Variants in CNTNAP2 observed in about 807,000 individuals in gnomAD.
The protein encoded by CNTNAP2 is contactin-associated protein-like 2.
CNTNAP2 carries 98 observed loss-of-function variants against 155.2 expected under a neutral mutation model. The observed-to-expected ratio is 0.63, with a 90% CI of 0.54 to 0.75. The LOEUF (loss-of-function observed/expected upper bound fraction) is 0.75, where lower values mean the gene tolerates loss of function less well. Ranked by LOEUF, CNTNAP2 falls within the 30% of genes least tolerant of loss-of-function variation. The pLI is 0.00. For synonymous variants in CNTNAP2, 651 were observed against 631.2 expected (o/e 1.03, Z -0.47); for missense variants, 1,727 against 1,688.1 (o/e 1.02, Z -0.40).
Position 147,132,311 on chromosome 7 carries a change from C to T in CNTNAP2, c.1150C>T (p.Leu384=), listed in dbSNP as rs952522529. 80 of 1,613,730 alleles carry T rather than the reference C, an allele frequency of 5.0e-5. No homozygotes were observed. Among genetic ancestry groups the T allele is most frequent in the Non-Finnish European group, 6.8e-5 (80 of 1,179,790 alleles). Residue 384 remains leucine (L), a synonymous_variant, in exon 8 of 24, where the codon CTG becomes TTG. Transcript: ENST00000361727. ...TGTCTTTTTCAACGCTACAAGTTAC[C>T]TGGAGGTGCCCGGACGGCTTAACCA... ...VPVFFNATSY[L]EVPGRLNQDL...
chr7:147,783,475 C>G (rs1355275726), intron 13 of CNTNAP2, among the ~76,000 whole-genome samples: 1 of 152,202 alleles, frequency 6.6e-6, no homozygotes, highest in Non-Finnish European at 1.5e-5. Flanking sequence ...CTTTTTGGTG[C>G]TTATATTAGT....
At chr7:146,260,445 C>T (rs549293794) in intron 1 of CNTNAP2, among the ~76,000 whole-genome samples, 9 of 152,228 alleles carry the variant, frequency 5.9e-5, no homozygotes, top group African/African-American at 1.9e-4. Flanking sequence ...CAATGCCAGC[C>T]CATGAAAGTA....
chr7:146,357,413 C>T (rs1352984341), intron 1 of CNTNAP2, among the ~76,000 whole-genome samples: 2 of 151,954 alleles, frequency 1.3e-5, no homozygotes, highest in Non-Finnish European at 2.9e-5. Flanking sequence ...ATCATATAAT[C>T]TATCAGTATC....
intron 14 of CNTNAP2, among the ~76,000 whole-genome samples, chr7:147,946,699 C>A (rs1474569102): frequency 6.6e-6 from 1 of 152,002 alleles, no homozygotes; most frequent in Admixed American, 6.6e-5. Context: ...AGCTGTGAGA[C>A]CAGGACAAGC....
At chr7:146,309,178 C>T (rs1800775313) in intron 1 of CNTNAP2, among the ~76,000 whole-genome samples, 1 of 152,048 alleles carries the variant, frequency 6.6e-6, no homozygotes, top group South Asian at 2.1e-4. Flanking sequence ...TTCCATTGAC[C>T]ATTGATATCT....
chr7:147,725,506 A>C (rs1796626079), intron 13 of CNTNAP2, among the ~76,000 whole-genome samples: 1 of 151,818 alleles, frequency 6.6e-6, no homozygotes, highest in South Asian at 2.1e-4. Context: ...AGGAGAATAT[A>C]TCATTATTAG....
intron 20 of CNTNAP2, among the ~76,000 whole-genome samples, chr7:148,237,838 A>G (rs1220189680): frequency 1.3e-5 from 2 of 152,210 alleles, no homozygotes; most frequent in Non-Finnish European, 2.9e-5. Context: ...ACCACTTTCT[A>G]TATGTGGAAA....
intron 8 of CNTNAP2, among the ~76,000 whole-genome samples, chr7:147,208,675 C>T (rs1032845731): frequency 3.3e-5 from 5 of 151,938 alleles, no homozygotes; most frequent in Middle Eastern, 3.2e-3. Flanking sequence ...AAGATACACT[C>T]ACCTATGCAC....
At chr7:147,588,596 A>T (rs1350857444) in intron 12 of CNTNAP2, among the ~76,000 whole-genome samples, 1 of 152,088 alleles carries the variant, frequency 6.6e-6, no homozygotes, top group Non-Finnish European at 1.5e-5. Context: ...TTTTTTCTCT[A>T]TATTGATATA....
chr7:146,343,734 A>G (rs928247097), intron 1 of CNTNAP2, among the ~76,000 whole-genome samples: 12 of 152,158 alleles, frequency 7.9e-5, no homozygotes, highest in Non-Finnish European at 1.6e-4. Context: ...AAAATATAGG[A>G]TATTTCATTT....
intron 11 of CNTNAP2, among the ~76,000 whole-genome samples, chr7:147,527,650 C>T (rs1799351588): frequency 6.6e-6 from 1 of 152,196 alleles, no homozygotes. Context: ...ATTATAATGG[C>T]TTGAATCTTC....
At chr7:146,296,680 A>G (rs766026172) in intron 1 of CNTNAP2, among the ~76,000 whole-genome samples, 2 of 152,164 alleles carry the variant, frequency 1.3e-5, no homozygotes, top group African/African-American at 4.8e-5. Flanking sequence ...TTGTCCTGGT[A>G]ATTAACAATA....
rs886320516 is a variant in CNTNAP2 at position 146,781,775 on chromosome 7, C to A, written c.208+7394C>A. ...AACACCTTCTTTCCCTCTGCTTTTTCTTTGCTCTCCTCTTTTTGCCTTTAA... is the reference window on the plus strand; with the variant it reads ...AACACCTTCTTTCCCTCTGCTTTTTATTTGCTCTCCTCTTTTTGCCTTTAA... On this transcript the variant is annotated intron_variant, in intron 2 of 23. Transcript: ENST00000361727. Among the ~76,000 whole-genome samples, 6 of 152,082 alleles carry A rather than the reference C, an allele frequency of 3.9e-5. No homozygotes were observed. The East Asian group carries it at 9.6e-4, about 24-fold the overall frequency.
chr7:146,613,417 A>C (rs914711118), intron 1 of CNTNAP2, among the ~76,000 whole-genome samples: 1 of 152,196 alleles, frequency 6.6e-6, no homozygotes, highest in Admixed American at 6.5e-5. Context: ...TTTGACTTTC[A>C]TGGTGATTTT....
In CNTNAP2 at chr7:146,570,112, A is replaced by G. The variant is rs537947874; in HGVS notation, c.98-204159A>G. ...TAGCTATTGGAGTTCTCTTTGCCCT[A>G]TTTCAGCACTGTTTGTACATAAATA... is the stretch of plus-strand genomic sequence containing the variant. On this transcript the variant is annotated intron_variant, in intron 1 of 23. Coordinates refer to ENST00000361727, the MANE Select transcript of CNTNAP2 (RefSeq NM_014141.6). 5.9e-5 allele frequency among the ~76,000 whole-genome samples: 9 copies of G among 152,204 alleles called. No homozygotes were observed. The South Asian group carries it at 1.0e-3, about 18-fold the overall frequency.
At chr7:147,130,114 A>G (rs1801322894) in intron 7 of CNTNAP2, among the ~76,000 whole-genome samples, 1 of 152,100 alleles carries the variant, frequency 6.6e-6, no homozygotes, top group Admixed American at 6.6e-5. Context: ...TGAGTAGGAG[A>G]TAAAAAGATA....
chr7:146,524,926 A>T lies in CNTNAP2; in HGVS notation c.98-249345A>T, dbSNP rs528020333. Among the ~76,000 whole-genome samples the T allele has an allele frequency of 3.3e-5, 5 of 152,232 alleles. No homozygotes were observed. In the East Asian group the frequency reaches 9.7e-4, roughly 29 times the overall value. ...TGAGCAAGCATTTGAAAGATTCATTATATTTCCTAGGGTTAAAAACTATTT... is the reference window on the plus strand; with the variant it reads ...TGAGCAAGCATTTGAAAGATTCATTTTATTTCCTAGGGTTAAAAACTATTT... On this transcript the variant is annotated intron_variant, in intron 1 of 23. Transcript: ENST00000361727.
chr7:147,522,668 TG>T (rs1208347052), intron 11 of CNTNAP2, among the ~76,000 whole-genome samples: 1 of 151,478 alleles, frequency 6.6e-6, no homozygotes, highest in Non-Finnish European at 1.5e-5. Context: ...CTTCACATTT[TG>T]GGGGAAAAAA....
intron 21 of CNTNAP2, among the ~76,000 whole-genome samples, chr7:148,289,621 G>A (rs1228397622): frequency 1.3e-5 from 2 of 151,836 alleles, no homozygotes; most frequent in Non-Finnish European, 2.9e-5. Context: ...GGGGAGGCGG[G>A]TAAAGGAACA....
Sources: gnomAD v4.1 joint callset for allele counts (sites outside exome capture counted in the v4.1 genomes callset) on GRCh38, gnomAD v4.1.1 for gene constraint, MANE v1.5 for transcripts, NCBI Gene and HGNC (gene_info 2026-07-23, HGNC 2026-07-21) for gene names.